ARHGAP21: variants seen among roughly 807,000 people sequenced by gnomAD.
ARHGAP21 encodes the protein rho GTPase-activating protein 21.
A neutral mutation model predicts 164.6 loss-of-function variants in ARHGAP21; 38 were observed. The observed-to-expected ratio is 0.23, with a 90% CI of 0.18 to 0.30. The LOEUF is 0.30. ARHGAP21 is among the 10% of genes least tolerant of loss of function. The pLI is 1.00. For synonymous variants in ARHGAP21, 766 were observed against 857.9 expected (o/e 0.89, Z 1.87); for missense variants, 1,822 against 2,370.7 (o/e 0.77, Z 4.81).
rs12569362 is a variant in ARHGAP21, at chr10:24,700,756, T to A, written c.63+21081A>T. Reference sequence around the variant, plus strand: ...AAGGATGATACAATGTAAAGTAATATTTAAAGAAAAACAAATTAAGTACCT... The same window carrying A: ...AAGGATGATACAATGTAAAGTAATAATTAAAGAAAAACAAATTAAGTACCT... On this transcript the variant is annotated intron_variant, in intron 2 of 25. Transcript: ENST00000396432. Among the ~76,000 whole-genome samples the A allele has an allele frequency of 1.5e-3, 229 of 152,332 alleles. 5 individuals are homozygous for A. In the East Asian group the frequency reaches 0.037, roughly 25 times the overall value.
chr10:24,656,227 CCCG>C (rs1838882288), intron 4 of ARHGAP21, among the ~76,000 whole-genome samples: 1 of 133,948 alleles, frequency 7.5e-6, no homozygotes, highest in Non-Finnish European at 1.6e-5. Flanking sequence ...GGGTCATCCC[CCCG>C]CCCGGCCAGC....
intron 2 of ARHGAP21, among the ~76,000 whole-genome samples, chr10:24,713,949 G>T (rs1403804980): frequency 6.6e-6 from 1 of 152,150 alleles, no homozygotes; most frequent in African/African-American, 2.4e-5. Context: ...ATCCAAAATT[G>T]AGTTTTTTGC....
Position 24,611,660 on chromosome 10 carries a change from C to T in ARHGAP21, c.2423-3757G>A, listed in dbSNP as rs144886678. Among the ~76,000 whole-genome samples, 237 of 151,462 alleles carry T rather than the reference C, an allele frequency of 1.6e-3. 6 individuals are homozygous for T. The East Asian group carries it at 0.039, about 25-fold the overall frequency. On this transcript the variant is annotated intron_variant, in intron 9 of 25. Coordinates refer to ENST00000396432, the MANE Select transcript of ARHGAP21 (RefSeq NM_020824.4). ...TGGAGGCTGCAGTGAAGCGAGATTG[C>T]GCCACTGCCCGACTCCAGCCTGGGC...
intron 4 of ARHGAP21, among the ~76,000 whole-genome samples, chr10:24,657,612 G>A (rs1165251059): frequency 1.5e-5 from 2 of 129,100 alleles, no homozygotes; most frequent in Admixed American, 7.7e-5. Flanking sequence ...ATAGAAAGGC[G>A]GGAAAGGTGG....
At chr10:24,714,745 T>C (rs1427489076) in intron 2 of ARHGAP21, among the ~76,000 whole-genome samples, 1 of 152,160 alleles carries the variant, frequency 6.6e-6, no homozygotes, top group Non-Finnish European at 1.5e-5. Flanking sequence ...TTTTAAAAAT[T>C]GTTTTTTGGC....
rs1565054617 is a variant in ARHGAP21, at chr10:24,628,972, ATATATATATATTTTTTTTTT to A, written c.495+1004_495+1023del. Reference sequence around the variant, plus strand: ...ACACACTATATATATATATATATATATATATATATATTTTTTTTTTTTTTTTTTTTTTTTTTTTTTTGAGA... The same window carrying A: ...ACACACTATATATATATATATATATATTTTTTTTTTTTTTTTTTTTTGAGA... On this transcript the variant is annotated intron_variant, in intron 7 of 25. Coordinates refer to ENST00000396432, the MANE Select transcript of ARHGAP21 (RefSeq NM_020824.4). 2.7e-4 allele frequency: 4 copies of A among 14,936 alleles called. No individual in the cohort carries two copies. The East Asian group carries it at 6.3e-3, about 23-fold the overall frequency. The allele number at this position is 14,936 out of a possible 1,614,324, so 0.9% of individuals were successfully genotyped here.
intron 2 of ARHGAP21, among the ~76,000 whole-genome samples, chr10:24,671,567 C>T (rs1840706077): frequency 1.3e-5 from 2 of 152,066 alleles, no homozygotes; most frequent in African/African-American, 2.4e-5. Context: ...CTCACAAGGC[C>T]CCAGCAGTTG....
At chr10:24,638,081 G>A (rs532168838) in intron 4 of ARHGAP21, among the ~76,000 whole-genome samples, 31 of 151,968 alleles carry the variant, frequency 2.0e-4, no homozygotes, top group East Asian at 1.9e-4. Flanking sequence ...TGGCCAGGCC[G>A]GTCTCGAACT....
At chr10:24,617,528 G>T (rs1000071913) in intron 9 of ARHGAP21, among the ~76,000 whole-genome samples, 2 of 151,976 alleles carry the variant, frequency 1.3e-5, no homozygotes, top group African/African-American at 4.8e-5. Flanking sequence ...GCTGAGCTTG[G>T]CCTTAGGGGT....
chr10:24,671,771 G>A (rs1840723037), intron 2 of ARHGAP21, among the ~76,000 whole-genome samples: 1 of 149,152 alleles, frequency 6.7e-6, no homozygotes, highest in South Asian at 2.1e-4. Flanking sequence ...GGCCTGGGCT[G>A]GAGTGCAGTG....
chr10:24,603,830 TCTACTAAAAATACAAAA>T (rs917065003), intron 12 of ARHGAP21, among the ~76,000 whole-genome samples: 1 of 152,138 alleles, frequency 6.6e-6, no homozygotes, highest in Non-Finnish European at 1.5e-5. Context: ...AAACCCCATC[TCTACTAAAAATACAAAA>T]ATTAGCCAGG....
In ARHGAP21 at chr10:24,607,876, T is replaced by C. The variant is rs200558549; in HGVS notation, c.2450A>G (p.His817Arg). The change falls in exon 10 of 26, where the codon CAT (histidine) becomes CGT (arginine). Residue 817 changes from histidine (H) to arginine (R), a missense_variant. Around this residue, in one of 5 missense-constraint regions of ARHGAP21, gnomAD observed 1,090 missense variants for 1,378.9 expected, o/e 0.79. Transcript: ENST00000396432. ...AGAGGCAGGGATATGTGCAATATCA[T>C]GATCAATGCTAGGGCTAGTTGGTTC... ...IDEPTSPSID[H>R]DIAHIPASAV... 1.2e-5 allele frequency: 20 copies of C among 1,613,148 alleles called. No individual in the cohort carries two copies. The highest frequency in any genetic ancestry group is 1.7e-5 in the Admixed American group (1 of 59,812).
chr10:24,612,160 A>T (rs1409834494), intron 9 of ARHGAP21, among the ~76,000 whole-genome samples: 2 of 152,152 alleles, frequency 1.3e-5, no homozygotes, highest in Non-Finnish European at 1.5e-5. Context: ...TTCAGCATAG[A>T]CCATGGCAGA....
chr10:24,657,248 G>C (rs1324858707), intron 4 of ARHGAP21, among the ~76,000 whole-genome samples: 1 of 42,316 alleles, frequency 2.4e-5, no homozygotes, highest in African/African-American at 1.7e-4. Context: ...GGAGGGAGGT[G>C]GGGGGGTCAG....
rs1835710601 is a variant in ARHGAP21 at position 24,630,104 on chromosome 10, CTT to C, written c.441-56_441-55del. ...AGAGGTAGAAGTGTATAAAAAAAGA[CTT>C]AATGGAAAAACAGTTAACTCAGAAG... On this transcript the variant is annotated intron_variant, in intron 6 of 25. Coordinates refer to ENST00000396432, the MANE Select transcript of ARHGAP21 (RefSeq NM_020824.4). 5.0e-6 allele frequency: 5 copies of C among 999,522 alleles called. No homozygotes were observed. The Admixed American group carries it at 8.3e-5, about 16-fold the overall frequency. 61.9% of individuals were successfully genotyped at this position (999,522 alleles called of 1,614,324 possible).
In ARHGAP21 at chr10:24,631,402, T is replaced by C. The variant is rs369755797; in HGVS notation, c.441-1352A>G. On this transcript the variant is annotated intron_variant, in intron 6 of 25. Coordinates refer to ENST00000396432, the MANE Select transcript of ARHGAP21 (RefSeq NM_020824.4). The stretch of plus-strand genomic sequence containing the variant: ...ATAAAATAAAATAAAATAAAAGTTA[T>C]GGCAAAGGCAGTGCTACTATCTCCA... 2.5e-5 allele frequency among the ~76,000 whole-genome samples: 3 copies of C among 121,486 alleles called. No individual in the cohort carries two copies. The East Asian group carries it at 6.6e-4, about 27-fold the overall frequency. 79.7% of individuals were successfully genotyped at this position (121,486 alleles called of 152,430 possible).
intron 7 of ARHGAP21, among the ~76,000 whole-genome samples, chr10:24,628,840 TATACAC>T (rs1279086087): frequency 1.4e-5 from 2 of 143,680 alleles, no homozygotes; most frequent in Non-Finnish European, 1.5e-5. Context: ...TATGTACATA[TATACAC>T]ATACATATAT....
At chr10:24,678,391 T>G (rs1841475010) in intron 2 of ARHGAP21, among the ~76,000 whole-genome samples, 1 of 152,188 alleles carries the variant, frequency 6.6e-6, no homozygotes, top group Admixed American at 6.5e-5. Flanking sequence ...CCTGTTGCCC[T>G]TTCATAACTA....
At chr10:24,656,466 T>A (rs9663680) in intron 4 of ARHGAP21, among the ~76,000 whole-genome samples, 1 of 24,390 alleles carries the variant, frequency 4.1e-5, no homozygotes, top group Non-Finnish European at 8.0e-5. Flanking sequence ...ACCCCTACTG[T>A]GAAGTGAGGA....
Sources: allele counts gnomAD v4.1 joint callset (sites outside exome capture counted in the v4.1 genomes callset), GRCh38; gene constraint gnomAD v4.1.1; regional missense constraint gnomAD v4.1.1; transcripts MANE v1.5; gene names NCBI Gene and HGNC (gene_info 2026-07-23, HGNC 2026-07-21).